The following SV2C variants were observed in gnomAD, a reference collection of about 807,000 sequenced individuals.
SV2C encodes the protein synaptic vesicle glycoprotein 2C.
A neutral mutation model predicts 79.7 loss-of-function variants in SV2C; 49 were observed. The ratio of observed to expected loss-of-function variants is 0.61; its 90% confidence interval spans 0.49 to 0.78. The LOEUF (loss-of-function observed/expected upper bound fraction) is 0.78. Among genes scored for constraint, SV2C ranks in the 30% least tolerant of loss-of-function variants. SV2C has a pLI of 0.00. For missense variants in SV2C, 833 were observed against 912.9 expected, an observed-to-expected ratio of 0.91 and a Z score of 1.13; for synonymous variants, 334 against 333.2, an observed-to-expected ratio of 1.00 and a Z score of -0.03.
chr5:76,209,605 AAT>A (rs1175235454), intron 3 of SV2C, 129 bp from the exon 4 acceptor site: 10 of 901,312 alleles, frequency 1.1e-5, no homozygotes, highest in Admixed American at 5.6e-5. Flanking sequence ...AATAATAGAA[AAT>A]ATATGTTTGT....
At chr5:75,999,105 G>T in the SV2C span, among the ~76,000 whole-genome samples, 68 of 152,050 alleles carry the variant, frequency 4.5e-4, no homozygotes, top group African/African-American at 1.5e-3. Flanking sequence ...TTTTAAAAGC[G>T]TCAGATCTCA....
chr5:75,883,072 C>A, the SV2C span, among the ~76,000 whole-genome samples: 1 of 145,048 alleles, frequency 6.9e-6, no homozygotes, highest in Non-Finnish European at 1.5e-5. Flanking sequence ...TTTATGCAGC[C>A]AAAAAACACA....
chr5:76,252,389 TG>T (rs1262604974), intron 4 of SV2C, among the ~76,000 whole-genome samples: 1 of 152,224 alleles, frequency 6.6e-6, no homozygotes, highest in Non-Finnish European at 1.5e-5. Context: ...CCCAAAGTGC[TG>T]GGATTACAGG....
At chr5:75,931,039 C>T in the SV2C span, among the ~76,000 whole-genome samples, 3 of 152,280 alleles carry the variant, frequency 2.0e-5, no homozygotes, top group South Asian at 6.2e-4. Context: ...GAAACTGAGG[C>T]ACAAGAATTG....
chr5:76,226,803 G>A (rs1404287785), intron 4 of SV2C, among the ~76,000 whole-genome samples: 1 of 152,166 alleles, frequency 6.6e-6, no homozygotes, highest in Non-Finnish European at 1.5e-5. Context: ...GGCCTGTGCT[G>A]ATGGAGAAAG....
the SV2C span, among the ~76,000 whole-genome samples, chr5:75,951,662 A>G: frequency 2.0e-5 from 3 of 152,024 alleles, no homozygotes; most frequent in Non-Finnish European, 2.9e-5. Context: ...CATGCAGAAG[A>G]AATTCGGGAA....
chr5:75,995,082 CT>C, the SV2C span, among the ~76,000 whole-genome samples: 125,121 of 151,814 alleles, frequency 0.82, 51,866 homozygotes, highest in Middle Eastern at 0.91. Context: ...TCTTCTCTGC[CT>C]TTTTTTTTCT....
chr5:75,982,008 CTCAT>C, the SV2C span, among the ~76,000 whole-genome samples: 40 of 143,058 alleles, frequency 2.8e-4, no homozygotes, highest in Admixed American at 8.3e-4. Context: ...CATATTCTCA[CTCAT>C]AGATGGGAAT....
chr5:76,278,715 C>T (rs987824097), intron 4 of SV2C, among the ~76,000 whole-genome samples: 2 of 152,220 alleles, frequency 1.3e-5, no homozygotes, highest in Admixed American at 6.5e-5. Flanking sequence ...AGAAGATGAG[C>T]TCAGATACAT....
the SV2C span, among the ~76,000 whole-genome samples, chr5:75,887,334 T>C: frequency 2.6e-5 from 4 of 152,052 alleles, no homozygotes. Context: ...AACTGAGATT[T>C]TGAACCCTTT....
intron 1 of SV2C, among the ~76,000 whole-genome samples, chr5:76,127,878 C>T (rs934761007): frequency 6.6e-5 from 10 of 152,126 alleles, no homozygotes; most frequent in Non-Finnish European, 1.3e-4. Context: ...GCTTGCTCCA[C>T]GGTAGAATAC....
intron 2 of SV2C, among the ~76,000 whole-genome samples, chr5:76,134,853 A>C (rs1017489616): frequency 2.6e-5 from 4 of 152,306 alleles, no homozygotes; most frequent in African/African-American, 9.6e-5. Flanking sequence ...CTATTTATTA[A>C]GCACTTACTG....
At chr5:76,040,743 T>A in the SV2C span, among the ~76,000 whole-genome samples, 1 of 152,212 alleles carries the variant, frequency 6.6e-6, no homozygotes, top group African/African-American at 2.4e-5. Flanking sequence ...TTGATAGTGA[T>A]GAGAACTGAG....
chr5:75,871,832 T>C, the SV2C span, among the ~76,000 whole-genome samples: 18,524 of 113,116 alleles, frequency 0.16, 1,255 homozygotes, highest in African/African-American at 0.3. Context: ...TATATATATA[T>C]ATACACACAC....
chr5:75,989,687 T>A, the SV2C span, among the ~76,000 whole-genome samples: 2 of 152,070 alleles, frequency 1.3e-5, no homozygotes, highest in Non-Finnish European at 2.9e-5. Flanking sequence ...TTTCTGCCTC[T>A]AGGTCTTTGA....
chr5:76,047,495 T>C, the SV2C span, among the ~76,000 whole-genome samples: 3 of 152,360 alleles, frequency 2.0e-5, no homozygotes, highest in South Asian at 2.1e-4. Context: ...CTATTCATTC[T>C]GCTTCTGATG....
the SV2C span, chr5:75,910,944 G>A: frequency 1.8e-5 from 16 of 913,650 alleles, no homozygotes; most frequent in Admixed American, 3.4e-5. Context: ...AGCAGCAGCA[G>A]GCTCTCTTTA....
chr5:76,339,515 C>T (rs957160672), intron 12 of SV2C, among the ~76,000 whole-genome samples: 2 of 152,026 alleles, frequency 1.3e-5, no homozygotes, highest in African/African-American at 4.8e-5. Context: ...GAGATCGAGA[C>T]CATCCTGGCT....
intron 4 of SV2C, among the ~76,000 whole-genome samples, chr5:76,236,592 AG>A (rs1561277537): frequency 6.6e-6 from 1 of 152,042 alleles, no homozygotes; most frequent in African/African-American, 2.4e-5. Context: ...AGAGAGAGAG[AG>A]AGAAATAGAG....
Sources: gnomAD v4.1 joint callset for allele counts (sites outside exome capture counted in the v4.1 genomes callset) on GRCh38, gnomAD v4.1.1 for gene constraint, MANE v1.5 for transcripts, NCBI Gene and HGNC (gene_info 2026-07-23, HGNC 2026-07-21) for gene names.